The following NRXN1 variants were observed in gnomAD, a reference collection of about 807,000 sequenced individuals.
NRXN1 encodes the protein neurexin 1, also known as neurexin-1.
NRXN1 carries 39 observed loss-of-function variants against 150.9 expected under a neutral mutation model. The ratio of observed to expected loss-of-function variants is 0.26; its 90% CI spans 0.20 to 0.34. NRXN1 has a LOEUF of 0.34. Ranked by LOEUF, NRXN1 falls within the 10% of genes least tolerant of loss-of-function variation. The pLI is 1.00. For synonymous variants in NRXN1, 924 were observed against 757.0 expected (o/e 1.22, Z -3.62); for missense variants, 1,815 against 1,949.9 (o/e 0.93, Z 1.30).
intron 18 of NRXN1, among the ~76,000 whole-genome samples, chr2:50,137,758 A>G (rs1706642042): frequency 6.6e-6 from 1 of 152,218 alleles, no homozygotes; most frequent in Admixed American, 6.5e-5. Flanking sequence ...AGTAAAAGAT[A>G]TGGTAGGATG....
chr2:50,347,222 G>A lies in NRXN1; in HGVS notation c.3365-110252C>T. 4.5e-6 allele frequency: 6 copies of A among 1,335,920 alleles called. No individual in the cohort carries two copies. The highest frequency in any genetic ancestry group is 4.9e-6 in the Non-Finnish European group (5 of 1,020,240). The allele number at this position is 1,335,920 out of a possible 1,614,324, so 82.8% of individuals were successfully genotyped here. ...AGGCAGCCCCGGGAACAGCAAGCGCGGAGCGGGTGGCTGCTCCCAGATTTC... is the reference window on the plus strand; with the variant it reads ...AGGCAGCCCCGGGAACAGCAAGCGCAGAGCGGGTGGCTGCTCCCAGATTTC... On this transcript the variant is annotated intron_variant, in intron 17 of 22. Coordinates refer to ENST00000401669, the MANE Select transcript of NRXN1 (RefSeq NM_001330078.2). The surrounding 1 kb of genome is among the most constrained non-coding windows in gnomAD (Gnocchi z 4.9).
chr2:50,484,253 A>G (rs1486098229), intron 15 of NRXN1, among the ~76,000 whole-genome samples: 1 of 152,202 alleles, frequency 6.6e-6, no homozygotes, highest in African/African-American at 2.4e-5. Context: ...TTCCTTAAGT[A>G]TCTGAACATT....
In NRXN1 at chr2:50,606,529, T is replaced by C. The variant is rs190489504; in HGVS notation, c.1320+13493A>G. On this transcript the variant is annotated intron_variant, in intron 8 of 22. Coordinates refer to ENST00000401669, the MANE Select transcript of NRXN1 (RefSeq NM_001330078.2). Reference sequence around the variant, plus strand: ...ATTCTAGAGATCTGCTGTATAACATTGTGCCTCTACATAACAATACTATAT... The same window carrying C: ...ATTCTAGAGATCTGCTGTATAACATCGTGCCTCTACATAACAATACTATAT... 3.3e-5 allele frequency among the ~76,000 whole-genome samples: 5 copies of C among 151,518 alleles called. No homozygotes were observed. In the East Asian group the frequency reaches 9.7e-4, roughly 29 times the overall value.
At chr2:50,650,335 A>G (rs541986274) in intron 5 of NRXN1, among the ~76,000 whole-genome samples, 1 of 152,204 alleles carries the variant, frequency 6.6e-6, no homozygotes, top group Non-Finnish European at 1.5e-5. Context: ...GTGTGATAAC[A>G]CAGCACATTG....
Position 50,758,381 on chromosome 2 carries a change from T to C in NRXN1, c.833-134766A>G, listed in dbSNP as rs1219141054. Among the ~76,000 whole-genome samples the C allele has an allele frequency of 2.6e-5, 4 of 151,900 alleles. No homozygotes were observed. The East Asian group carries it at 7.8e-4, about 30-fold the overall frequency. On this transcript the variant is annotated intron_variant, in intron 5 of 22. Coordinates refer to ENST00000401669, the MANE Select transcript of NRXN1 (RefSeq NM_001330078.2). ...CAGATGCTAACAAAAGATAAAGGTGTATCTATCACTTAATGCAATGAAATT... is the reference window on the plus strand; with the variant it reads ...CAGATGCTAACAAAAGATAAAGGTGCATCTATCACTTAATGCAATGAAATT...
At chr2:50,026,560 T>C (rs1688310582) in intron 21 of NRXN1, among the ~76,000 whole-genome samples, 1 of 152,136 alleles carries the variant, frequency 6.6e-6, no homozygotes, top group Non-Finnish European at 1.5e-5. Context: ...TCTCAATGAG[T>C]TCAGTTACAT....
intron 5 of NRXN1, among the ~76,000 whole-genome samples, chr2:50,881,356 T>C (rs1463829030): frequency 6.6e-6 from 1 of 151,956 alleles, no homozygotes; most frequent in African/African-American, 2.4e-5. Context: ...GTTCCAGCTT[T>C]CCTAAAGACA....
intron 2 of NRXN1, among the ~76,000 whole-genome samples, chr2:51,006,170 A>G (rs1186867360): frequency 6.6e-6 from 1 of 151,862 alleles, no homozygotes; most frequent in Non-Finnish European, 1.5e-5. Context: ...GTCCGCAGCT[A>G]TTTATTTCCA....
At chr2:50,242,288 C>T (rs1043969964) in intron 17 of NRXN1, among the ~76,000 whole-genome samples, 2 of 151,882 alleles carry the variant, frequency 1.3e-5, no homozygotes, top group East Asian at 3.9e-4. Context: ...TGGAGGAATT[C>T]TTTGGCTTAA....
chr2:50,676,449 G>T (rs1194626583), intron 5 of NRXN1, among the ~76,000 whole-genome samples: 1 of 152,090 alleles, frequency 6.6e-6, no homozygotes, highest in Non-Finnish European at 1.5e-5. Context: ...AGAATGTCTG[G>T]GATTGATTTT....
intron 17 of NRXN1, among the ~76,000 whole-genome samples, chr2:50,270,063 C>T (rs985792151): frequency 2.2e-4 from 34 of 152,170 alleles, no homozygotes; most frequent in African/African-American, 8.0e-4. Context: ...CAAAGTCTCA[C>T]AGAACTTCCC....
intron 18 of NRXN1, among the ~76,000 whole-genome samples, chr2:50,122,245 T>G (rs909453595): frequency 3.9e-5 from 6 of 152,238 alleles, no homozygotes; most frequent in Non-Finnish European, 8.8e-5. Context: ...AAGTACCTTC[T>G]CTTCTGTTAC....
intron 22 of NRXN1, among the ~76,000 whole-genome samples, chr2:49,939,635 C>T (rs1375245206): frequency 6.6e-6 from 1 of 152,122 alleles, no homozygotes; most frequent in Non-Finnish European, 1.5e-5. Flanking sequence ...GTGGTTTCAT[C>T]AGTTGCCCAC....
intron 17 of NRXN1, among the ~76,000 whole-genome samples, chr2:50,303,267 G>A (rs981376928): frequency 9.2e-5 from 14 of 152,160 alleles, no homozygotes; most frequent in African/African-American, 3.4e-4. Flanking sequence ...ATCTATGCAT[G>A]CATTGGATAC....
chr2:50,496,961 T>C (rs1215312185), intron 14 of NRXN1, among the ~76,000 whole-genome samples: 2 of 152,180 alleles, frequency 1.3e-5, no homozygotes, highest in Non-Finnish European at 2.9e-5. Context: ...ACAATCTGAG[T>C]ACTTGAATTA....
intron 15 of NRXN1, among the ~76,000 whole-genome samples, chr2:50,474,063 G>A (rs2089758851): frequency 6.6e-6 from 1 of 151,872 alleles, no homozygotes; most frequent in Non-Finnish European, 1.5e-5. Flanking sequence ...ATAAAGCAAA[G>A]TCTACTGACT....
At chr2:50,505,309 G>T (rs567067576) in intron 13 of NRXN1, among the ~76,000 whole-genome samples, 1 of 151,990 alleles carries the variant, frequency 6.6e-6, no homozygotes, top group African/African-American at 2.4e-5. Flanking sequence ...TATCCTCTTC[G>T]AGTGCCACTT....
At chr2:50,683,646 A>AATATATATATATATATATAT (rs71225142) in intron 5 of NRXN1, among the ~76,000 whole-genome samples, 3 of 14,846 alleles carry the variant, frequency 2.0e-4, no homozygotes, top group African/African-American at 3.6e-4. Flanking sequence ...AAAAAAAAAA[A>AATATATATATATATATATAT]ATATATATAT....
At chr2:50,187,210 T>G (rs2061135181) in intron 18 of NRXN1, among the ~76,000 whole-genome samples, 2 of 152,090 alleles carry the variant, frequency 1.3e-5, no homozygotes, top group African/African-American at 2.4e-5. Context: ...TCATGAATAT[T>G]ACACATCCTG....
Sources: allele counts gnomAD v4.1 joint callset (sites outside exome capture counted in the v4.1 genomes callset), GRCh38; gene constraint gnomAD v4.1.1; non-coding constraint Gnocchi (gnomAD v3.1); transcripts MANE v1.5; gene names NCBI Gene and HGNC (gene_info 2026-07-23, HGNC 2026-07-21).